Variants in MYO5C observed in about 807,000 individuals in gnomAD.
MYO5C encodes unconventional myosin-Vc.
Under a neutral mutation model 235.7 loss-of-function variants are expected in MYO5C, and 194 were observed. That is an observed-to-expected ratio of 0.82 (90% CI 0.73 to 0.93). MYO5C has a LOEUF of 0.93. Ranked by LOEUF, MYO5C falls within the 40% of genes least tolerant of loss-of-function variation. The pLI is 0.00. For missense variants in MYO5C, 2,038 were observed against 2,127.2 expected, an observed-to-expected ratio of 0.96 and a Z score of 0.82; for synonymous variants, 707 against 754.8, an observed-to-expected ratio of 0.94 and a Z score of 1.04.
chr15:52,242,273 G>A, intron 19 of MYO5C, 60 bp from the exon 20 acceptor site: 1 of 1,527,326 alleles, frequency 6.5e-7, no homozygotes, highest in Non-Finnish European at 8.9e-7. Context: ...TTCCATAACA[G>A]AGCTGCAAGC....
chr15:52,257,388 G>A (rs1160722066), intron 10 of MYO5C, among the ~76,000 whole-genome samples: 2 of 152,232 alleles, frequency 1.3e-5, no homozygotes, highest in African/African-American at 2.4e-5. Flanking sequence ...ACTGAGAGGA[G>A]CCCTTGGGGA....
intron 1 of MYO5C, among the ~76,000 whole-genome samples, chr15:52,285,419 TCCTCTCCCTCTCCCTCTC>T (rs140674266): frequency 8.3e-5 from 10 of 120,824 alleles, no homozygotes; most frequent in African/African-American, 2.3e-4. Context: ...CTCCTCTCCC[TCCTCTCCCTCTCCCTCTC>T]CCTCTCCCTC....
At chr15:52,249,498 G>A (rs2141331715) in intron 13 of MYO5C, among the ~76,000 whole-genome samples, 1 of 152,306 alleles carries the variant, frequency 6.6e-6, no homozygotes, top group South Asian at 2.1e-4. Context: ...AATTGACAAT[G>A]AGGAAACAGG....
At chr15:52,200,078 A>G (rs2035151749) in intron 38 of MYO5C, among the ~76,000 whole-genome samples, 1 of 152,144 alleles carries the variant, frequency 6.6e-6, no homozygotes, top group South Asian at 2.1e-4. Flanking sequence ...TGAACTATGA[A>G]ACATACCATT....
intron 1 of MYO5C, among the ~76,000 whole-genome samples, chr15:52,293,413 G>A (rs967900139): frequency 3.3e-5 from 5 of 152,060 alleles, no homozygotes; most frequent in Non-Finnish European, 5.9e-5. Flanking sequence ...GAAGACCCTC[G>A]GCAGGGCCCA....
At position 52,233,307 on chromosome 15, in the gene MYO5C, A is replaced by T. The variant is rs1467836741; in HGVS notation, c.2963-622T>A. Among the ~76,000 whole-genome samples the T allele has an allele frequency of 1.6e-3, 17 of 10,788 alleles. 5 individuals are homozygous for T. Among genetic ancestry groups the T allele is most frequent in the African/African-American group, 2.3e-3 (17 of 7,306 alleles). 7.1% of individuals were successfully genotyped at this position (10,788 alleles called of 152,430 possible). On this transcript the variant is annotated intron_variant, in intron 23 of 40. Coordinates refer to ENST00000261839, the MANE Select transcript of MYO5C (RefSeq NM_018728.4). ...AAAAAAAAAAAAAAAATTAAAAAAA[A>T]AAAAAAATAAATAAATAAATAGAAA...
intron 10 of MYO5C, among the ~76,000 whole-genome samples, chr15:52,257,179 G>A (rs1016484105): frequency 6.6e-6 from 1 of 152,230 alleles, no homozygotes; most frequent in Non-Finnish European, 1.5e-5. Flanking sequence ...CTTGTCTGTT[G>A]AGGGGAGGAG....
chr15:52,237,359 G>T, intron 22 of MYO5C, 123 bp downstream of exon 22: 1 of 1,229,690 alleles, frequency 8.1e-7, no homozygotes, highest in Non-Finnish European at 1.1e-6. Context: ...TTTGGTAATG[G>T]AAGTTGATAG....
intron 12 of MYO5C, 72 bp from the exon 13 acceptor site, chr15:52,251,587 T>C: frequency 3.9e-6 from 5 of 1,295,624 alleles, no homozygotes; most frequent in Admixed American, 2.5e-5. Context: ...AAAGCACTAA[T>C]TCTAAGAAAC....
Position 52,253,301 on chromosome 15 carries a change from T to C in MYO5C, c.1536+16A>G, listed in dbSNP as rs751260719. ...CTACTTAAAAGCTGAAAAAAACAAT[T>C]ATTCTTAAAAGTTACCAAACATTCT... is the stretch of plus-strand genomic sequence containing the variant. On this transcript the variant is annotated intron_variant, in intron 12 of 40. Transcript: ENST00000261839. The C allele has an allele frequency of 1.3e-6, 2 of 1,595,052 alleles. No homozygotes were observed. Among genetic ancestry groups the C allele is most frequent in the Admixed American group, 3.7e-5 (2 of 54,534 alleles).
chr15:52,195,910 C>T lies in MYO5C; in HGVS notation c.4995+399G>A, dbSNP rs547436170. ...AACCCCTGGACTCATGCGATCCTCC[C>T]GCCTCAGCCTCCCAAGTAGCTGGGA... On this transcript the variant is annotated intron_variant, in intron 39 of 40. Coordinates refer to ENST00000261839, the MANE Select transcript of MYO5C (RefSeq NM_018728.4). 1.1e-4 allele frequency among the ~76,000 whole-genome samples: 17 copies of T among 150,906 alleles called. No individual in the cohort carries two copies. In the South Asian group the frequency reaches 3.0e-3, roughly 26 times the overall value.
At chr15:52,280,081 G>C (rs1372524666) in intron 2 of MYO5C, among the ~76,000 whole-genome samples, 1 of 152,194 alleles carries the variant, frequency 6.6e-6, no homozygotes, top group Non-Finnish European at 1.5e-5. Context: ...GGCCATGCAA[G>C]TTTTCATTTG....
chr15:52,267,709 G>C (rs2036840916), intron 8 of MYO5C, among the ~76,000 whole-genome samples: 1 of 152,192 alleles, frequency 6.6e-6, no homozygotes, highest in Non-Finnish European at 1.5e-5. Context: ...AAGTCTCAGA[G>C]TGGGTAACCT....
intron 1 of MYO5C, among the ~76,000 whole-genome samples, chr15:52,289,677 A>G (rs990178337): frequency 1.3e-5 from 2 of 151,020 alleles, no homozygotes; most frequent in African/African-American, 2.4e-5. Context: ...CAGGCTGAGC[A>G]CGAGGTTTCT....
chr15:52,247,042 T>C, intron 15 of MYO5C, 28 bp from the exon 16 acceptor site: 1 of 1,583,648 alleles, frequency 6.3e-7, no homozygotes, highest in South Asian at 1.1e-5. Flanking sequence ...AGATCAAACA[T>C]GGCTCTGAAA....
intron 25 of MYO5C, among the ~76,000 whole-genome samples, chr15:52,228,573 T>C (rs184641308): frequency 1.6e-4 from 25 of 152,392 alleles, no homozygotes; most frequent in Middle Eastern, 3.4e-3. Flanking sequence ...TTATAATTTA[T>C]GAATATATTG....
rs185413390 is a variant in MYO5C at position 52,279,134 on chromosome 15, G to A, written c.305-117C>T. ...TATTAAACCTTCTGTGTGACTTTGG[G>A]CAAGTCACTTCACGCACTGAATTAA... On this transcript the variant is annotated intron_variant, in intron 3 of 40. Coordinates refer to ENST00000261839, the MANE Select transcript of MYO5C (RefSeq NM_018728.4). 1.3e-5 allele frequency: 14 copies of A among 1,105,114 alleles called. No homozygotes were observed. The Admixed American group carries it at 3.1e-4, about 25-fold the overall frequency. 68.5% of individuals were successfully genotyped at this position (1,105,114 alleles called of 1,614,324 possible).
intron 33 of MYO5C, chr15:52,213,554 A>G (rs1320735847): frequency 4.0e-5 from 11 of 273,214 alleles, no homozygotes; most frequent in Non-Finnish European, 6.3e-5. Flanking sequence ...TATCCAGCAC[A>G]TGGTAACAGG....
At chr15:52,244,314 A>G in intron 19 of MYO5C, 42 bp downstream of exon 19, 1 of 1,586,878 alleles carries the variant, frequency 6.3e-7, no homozygotes, top group Non-Finnish European at 8.6e-7. Flanking sequence ...ATCAGCACAG[A>G]AAGCCCCACA....
Sources: allele counts gnomAD v4.1 joint callset (sites outside exome capture counted in the v4.1 genomes callset), GRCh38; gene constraint gnomAD v4.1.1; transcripts MANE v1.5; gene names NCBI Gene and HGNC (gene_info 2026-07-23, HGNC 2026-07-21).